The following LUZP2 variants were observed in gnomAD, a reference collection of about 807,000 sequenced individuals.
LUZP2 encodes leucine zipper protein 2.
A neutral mutation model predicts 51.6 loss-of-function variants in LUZP2; 52 were observed. The observed-to-expected ratio is 1.01, with a 90% confidence interval of 0.81 to 1.27. The LOEUF (loss-of-function observed/expected upper bound fraction) is 1.27, where lower values mean the gene tolerates loss of function less well. Ranked by LOEUF, LUZP2 falls within the 50% of genes most tolerant of loss-of-function variation. The probability of loss-of-function intolerance (pLI) is 0.00; values close to 1 mark genes in which losing one functional copy is unlikely to be tolerated. For synonymous variants in LUZP2, 154 were observed against 137.3 expected (o/e 1.12, Z -0.85); for missense variants, 436 against 395.4 (o/e 1.10, Z -0.87).
intron 1 of LUZP2, among the ~76,000 whole-genome samples, chr11:24,695,153 T>C (rs1032005364): frequency 1.3e-5 from 2 of 152,074 alleles, no homozygotes; most frequent in African/African-American, 4.8e-5. Flanking sequence ...AATATATGGA[T>C]ACATTTTAAA....
At chr11:24,595,053 C>T (rs969311599) in intron 1 of LUZP2, among the ~76,000 whole-genome samples, 1 of 151,952 alleles carries the variant, frequency 6.6e-6, no homozygotes, top group African/African-American at 2.4e-5. Context: ...AGCCACCATG[C>T]CCATTGACCA....
intron 1 of LUZP2, among the ~76,000 whole-genome samples, chr11:24,607,490 T>A (rs1853968374): frequency 2.0e-5 from 3 of 152,030 alleles, no homozygotes; most frequent in Admixed American, 2.0e-4. Flanking sequence ...CTGGACTTTT[T>A]TTTATATTCC....
At chr11:24,771,493 A>G (rs1848116754) in intron 5 of LUZP2, among the ~76,000 whole-genome samples, 1 of 150,484 alleles carries the variant, frequency 6.6e-6, no homozygotes, top group African/African-American at 2.4e-5. Context: ...ATAGCACATC[A>G]TAGTTCACAT....
chr11:24,512,174 G>A (rs1440148110), intron 1 of LUZP2, among the ~76,000 whole-genome samples: 2 of 152,214 alleles, frequency 1.3e-5, no homozygotes, highest in Non-Finnish European at 2.9e-5. Context: ...TGGAAGCAAA[G>A]GAAAAGGTGA....
Position 24,907,454 on chromosome 11 carries a change from C to A in LUZP2, c.459+1401C>A, listed in dbSNP as rs189104365. 4.9e-3 allele frequency among the ~76,000 whole-genome samples: 745 copies of A among 151,924 alleles called. 9 individuals are homozygous for A. Among genetic ancestry groups the A allele is most frequent in the Non-Finnish European group, 4.7e-3 (317 of 67,956 alleles). On this transcript the variant is annotated intron_variant, in intron 6 of 11. Coordinates refer to ENST00000336930, the MANE Select transcript of LUZP2 (RefSeq NM_001009909.4). Reference sequence around the variant, plus strand: ...GATGTTCCATAGGATGAAAAATTAGCCTAAATGGTTTGTAGATCTGATCTA... The same window carrying A: ...GATGTTCCATAGGATGAAAAATTAGACTAAATGGTTTGTAGATCTGATCTA...
At chr11:24,606,461 G>A (rs1344313267) in intron 1 of LUZP2, among the ~76,000 whole-genome samples, 1 of 152,120 alleles carries the variant, frequency 6.6e-6, no homozygotes, top group Non-Finnish European at 1.5e-5. Context: ...CCCATTGTAA[G>A]TTGAGGAACC....
intron 1 of LUZP2, among the ~76,000 whole-genome samples, chr11:24,625,784 C>T (rs11028079): frequency 0.23 from 35,428 of 151,364 alleles, 4,405 homozygotes; most frequent in East Asian, 0.33. Context: ...ATAACTAGAC[C>T]CACAAAAGGC....
At chr11:24,767,548 C>A (rs1474937994) in intron 5 of LUZP2, among the ~76,000 whole-genome samples, 7 of 152,144 alleles carry the variant, frequency 4.6e-5, no homozygotes, top group African/African-American at 1.4e-4. Context: ...AAGTTTGTTT[C>A]TTCTGTGTGT....
chr11:24,604,270 C>A (rs527595044), intron 1 of LUZP2, among the ~76,000 whole-genome samples: 2 of 151,662 alleles, frequency 1.3e-5, no homozygotes, highest in African/African-American at 4.8e-5. Flanking sequence ...TGCATATAAT[C>A]CTGCAAGCAC....
intron 5 of LUZP2, among the ~76,000 whole-genome samples, chr11:24,816,958 C>A (rs1019332797): frequency 3.3e-5 from 5 of 151,994 alleles, no homozygotes; most frequent in African/African-American, 1.2e-4. Flanking sequence ...TGTTCCATTA[C>A]ATATTTTAAG....
Position 24,571,242 on chromosome 11 carries a change from C to T in LUZP2, c.62+73937C>T, listed in dbSNP as rs1003323200. 9.1e-5 allele frequency among the ~76,000 whole-genome samples: 6 copies of T among 65,780 alleles called. No homozygotes were observed. In the East Asian group the frequency reaches 1.1e-3, roughly 12 times the overall value. 43.2% of individuals were successfully genotyped at this position (65,780 alleles called of 152,430 possible). A position where few individuals can be genotyped will look rare whatever the true frequency, so the allele number is the denominator to read the frequency against. ...GGAAAAATTGAATGTCTCTTAAGAA[C>T]GTTCCAGCTCTAAGAGGCTGTCATT... On this transcript the variant is annotated intron_variant, in intron 1 of 11. Transcript: ENST00000336930.
intron 4 of LUZP2, among the ~76,000 whole-genome samples, chr11:24,755,754 T>G (rs976902473): frequency 6.6e-6 from 1 of 152,184 alleles, no homozygotes; most frequent in Non-Finnish European, 1.5e-5. Context: ...AAACAGACTC[T>G]TTGTAGCAAT....
chr11:25,033,351 T>A (rs1197434200), intron 9 of LUZP2, among the ~76,000 whole-genome samples: 1 of 152,178 alleles, frequency 6.6e-6, no homozygotes, highest in East Asian at 1.9e-4. Flanking sequence ...CTTGTACAGT[T>A]AGTGACCATT....
intron 8 of LUZP2, among the ~76,000 whole-genome samples, chr11:24,980,606 A>G (rs1404900991): frequency 6.6e-6 from 1 of 151,776 alleles, no homozygotes; most frequent in Non-Finnish European, 1.5e-5. Flanking sequence ...AAAGTTTGTT[A>G]AAAGTGAACA....
At chr11:24,676,607 C>A (rs564405697) in intron 1 of LUZP2, among the ~76,000 whole-genome samples, 1 of 151,924 alleles carries the variant, frequency 6.6e-6, no homozygotes, top group Non-Finnish European at 1.5e-5. Flanking sequence ...TAGTGGTATG[C>A]GAGATACTAA....
At chr11:24,613,993 G>A (rs78688728) in intron 1 of LUZP2, among the ~76,000 whole-genome samples, 2,939 of 151,974 alleles carry the variant, frequency 0.019, 96 homozygotes, top group African/African-American at 0.067. Context: ...TACATTTGTG[G>A]TAGGTTTCCA....
At chr11:24,558,780 G>A (rs997631791) in intron 1 of LUZP2, among the ~76,000 whole-genome samples, 10 of 152,128 alleles carry the variant, frequency 6.6e-5, no homozygotes, top group Non-Finnish European at 1.5e-5. Flanking sequence ...TGCCACATGA[G>A]GACAGTGTTT....
chr11:24,918,861 T>C (rs924189746), intron 7 of LUZP2, among the ~76,000 whole-genome samples: 1 of 30,688 alleles, frequency 3.3e-5, no homozygotes, highest in African/African-American at 1.0e-4. Flanking sequence ...ATATATGTTC[T>C]TTATATATAT....
chr11:24,980,496 C>T (rs1855997711), intron 8 of LUZP2, among the ~76,000 whole-genome samples: 1 of 151,470 alleles, frequency 6.6e-6, no homozygotes, highest in Non-Finnish European at 1.5e-5. Flanking sequence ...TAACAAAACA[C>T]TAACCTATAT....
Sources: allele counts gnomAD v4.1 joint callset (sites outside exome capture counted in the v4.1 genomes callset), GRCh38; gene constraint gnomAD v4.1.1; transcripts MANE v1.5; gene names NCBI Gene and HGNC (gene_info 2026-07-23, HGNC 2026-07-21).